Variants in MAGI2 observed in about 807,000 individuals in gnomAD.
MAGI2 encodes the protein membrane-associated guanylate kinase, WW and PDZ domain-containing protein 2.
Under a neutral mutation model 133.3 loss-of-function variants are expected in MAGI2, and 35 were observed. That is an observed-to-expected ratio of 0.26 (90% CI 0.20 to 0.35). The LOEUF (loss-of-function observed/expected upper bound fraction) is 0.35, where lower values mean the gene tolerates loss of function less well. Ranked by LOEUF, MAGI2 falls within the 10% of genes least tolerant of loss-of-function variation. The probability of loss-of-function intolerance (pLI) is 1.00; values close to 1 mark genes in which losing one functional copy is unlikely to be tolerated. For missense variants in MAGI2, 1,636 were observed against 1,863.4 expected, an observed-to-expected ratio of 0.88 and a Z score of 2.25; for synonymous variants, 729 against 710.6, an observed-to-expected ratio of 1.03 and a Z score of -0.41.
intron 3 of MAGI2, among the ~76,000 whole-genome samples, chr7:78,579,816 G>A (rs1802649507): frequency 6.6e-6 from 1 of 151,584 alleles, no homozygotes; most frequent in Non-Finnish European, 1.5e-5. Flanking sequence ...TTTTCTTACA[G>A]GGATCCATTC....
intron 2 of MAGI2, among the ~76,000 whole-genome samples, chr7:78,788,320 A>T (rs1583892935): frequency 2.0e-5 from 3 of 152,204 alleles, no homozygotes. Context: ...TTGTAGCCTT[A>T]CCTATTCCAG....
At chr7:79,036,670 T>TTC (rs397730211) in intron 1 of MAGI2, among the ~76,000 whole-genome samples, 3 of 150,420 alleles carry the variant, frequency 2.0e-5, no homozygotes, top group Admixed American at 6.6e-5. Context: ...GATTTTTTTT[T>TTC]CCCCCGAGTA....
At chr7:78,908,263 G>A (rs2151607967) in intron 2 of MAGI2, among the ~76,000 whole-genome samples, 1 of 152,308 alleles carries the variant, frequency 6.6e-6, no homozygotes, top group Non-Finnish European at 1.5e-5. Flanking sequence ...GAAGAATGTT[G>A]TCATTATATT....
chr7:78,049,406 T>C (rs969459673), intron 21 of MAGI2, among the ~76,000 whole-genome samples: 2 of 152,218 alleles, frequency 1.3e-5, no homozygotes, highest in Admixed American at 1.3e-4. Context: ...TTGAAGTTTT[T>C]TCCTTCTAGA....
At chr7:78,596,184 G>GAGGGCGGGAAGGAATGA (rs1804583983) in intron 3 of MAGI2, among the ~76,000 whole-genome samples, 1 of 120,244 alleles carries the variant, frequency 8.3e-6, no homozygotes, top group Non-Finnish European at 1.7e-5. Context: ...TGAAGGAAGG[G>GAGGGCGGGAAGGAATGA]AGGGAGGGAG....
intron 19 of MAGI2, among the ~76,000 whole-genome samples, chr7:78,126,224 A>G (rs1820970025): frequency 1.6e-5 from 1 of 63,046 alleles, no homozygotes; most frequent in Non-Finnish European, 3.3e-5. Flanking sequence ...GTGTGTGTGT[A>G]CAAATTACAG....
chr7:78,370,288 T>G (rs562462250), intron 6 of MAGI2, among the ~76,000 whole-genome samples: 1 of 152,204 alleles, frequency 6.6e-6, no homozygotes, highest in African/African-American at 2.4e-5. Flanking sequence ...TTTTATAGCC[T>G]TATATTTCTA....
intron 6 of MAGI2, among the ~76,000 whole-genome samples, chr7:78,387,612 A>G (rs1795502377): frequency 6.6e-6 from 1 of 152,148 alleles, no homozygotes; most frequent in South Asian, 2.1e-4. Flanking sequence ...AAGGCTTCAA[A>G]CAAGATGATA....
intron 2 of MAGI2, among the ~76,000 whole-genome samples, chr7:78,645,963 C>G (rs1003600752): frequency 1.3e-5 from 2 of 151,982 alleles, no homozygotes; most frequent in African/African-American, 2.4e-5. Flanking sequence ...GGTCTCGAAC[C>G]CCTGACCTCA....
intron 12 of MAGI2, among the ~76,000 whole-genome samples, chr7:78,191,286 G>A (rs1828187443): frequency 6.6e-6 from 1 of 151,984 alleles, no homozygotes. Flanking sequence ...TAATGTAAAG[G>A]TACTTAACAC....
chr7:79,421,601 G>T (rs1846963352), intron 1 of MAGI2, among the ~76,000 whole-genome samples: 1 of 151,710 alleles, frequency 6.6e-6, no homozygotes, highest in Admixed American at 6.6e-5. Flanking sequence ...CTCCTTTTCT[G>T]CCTATCACAT....
At chr7:78,316,689 C>G (rs1261305527) in intron 9 of MAGI2, among the ~76,000 whole-genome samples, 1 of 152,006 alleles carries the variant, frequency 6.6e-6, no homozygotes, top group Non-Finnish European at 1.5e-5. Context: ...GGTTACAAAC[C>G]AAGAGAGAGT....
chr7:78,224,664 TCAA>T (rs72151757), intron 10 of MAGI2, among the ~76,000 whole-genome samples: 23,332 of 150,650 alleles, frequency 0.15, 2,369 homozygotes, highest in East Asian at 0.32. Context: ...AGACTCTGTC[TCAA>T]CAACAACAAC....
At chr7:78,616,372 CAG>C (rs1177979870) in intron 3 of MAGI2, 1 of 151,892 alleles carries the variant, frequency 6.6e-6, no homozygotes, top group African/African-American at 2.4e-5. Flanking sequence ...TGAAAAAAGA[CAG>C]AAATTTTAGG....
intron 5 of MAGI2, among the ~76,000 whole-genome samples, chr7:78,497,516 A>C (rs1181367072): frequency 6.6e-6 from 1 of 152,220 alleles, no homozygotes; most frequent in Non-Finnish European, 1.5e-5. Context: ...TCTTAAATTC[A>C]GAACTTCTAA....
chr7:78,918,866 AAAG>A (rs2151629933), intron 2 of MAGI2, among the ~76,000 whole-genome samples: 1 of 152,258 alleles, frequency 6.6e-6, no homozygotes, highest in South Asian at 2.1e-4. Context: ...CAAATACTGA[AAAG>A]AAGGATCAAA....
chr7:78,906,292 T>C (rs1348555952), intron 2 of MAGI2, among the ~76,000 whole-genome samples: 1 of 152,244 alleles, frequency 6.6e-6, no homozygotes, highest in Non-Finnish European at 1.5e-5. Flanking sequence ...CTTTGGTACC[T>C]GAAATGGCTA....
intron 1 of MAGI2, among the ~76,000 whole-genome samples, chr7:79,252,276 G>A (rs755525040): frequency 1.1e-4 from 16 of 151,896 alleles, no homozygotes; most frequent in Non-Finnish European, 1.5e-4. Flanking sequence ...TTGCAACAAC[G>A]TGGATAGATC....
intron 1 of MAGI2, among the ~76,000 whole-genome samples, chr7:79,320,245 A>G (rs1839073497): frequency 6.6e-6 from 1 of 152,126 alleles, no homozygotes; most frequent in African/African-American, 2.4e-5. Flanking sequence ...ACACACACAA[A>G]GAATACACAT....
Sources: gnomAD v4.1 joint callset for allele counts (sites outside exome capture counted in the v4.1 genomes callset) on GRCh38, gnomAD v4.1.1 for gene constraint, MANE v1.5 for transcripts, NCBI Gene and HGNC (gene_info 2026-07-23, HGNC 2026-07-21) for gene names.